Variants in MAGI1 observed in about 807,000 individuals in gnomAD.
MAGI1 encodes the protein membrane-associated guanylate kinase, WW and PDZ domain-containing protein 1.
A neutral mutation model predicts 139.9 loss-of-function variants in MAGI1; 58 were observed. The observed-to-expected ratio is 0.41, with a 90% CI of 0.34 to 0.52. MAGI1 has a LOEUF of 0.52. MAGI1 is among the 20% of genes least tolerant of loss of function. The probability of loss-of-function intolerance (pLI) is 0.12; values close to 1 mark genes in which losing one functional copy is unlikely to be tolerated. For synonymous variants in MAGI1, 812 were observed against 737.9 expected, an observed-to-expected ratio of 1.10 and a Z score of -1.63; for missense variants, 1,874 against 1,901.6, an observed-to-expected ratio of 0.99 and a Z score of 0.27.
intron 1 of MAGI1, among the ~76,000 whole-genome samples, chr3:65,709,976 G>C (rs2031105711): frequency 6.6e-6 from 1 of 152,128 alleles, no homozygotes; most frequent in Non-Finnish European, 1.5e-5. Context: ...TACAATCAAA[G>C]CTTCTCCAAA....
At chr3:65,802,612 T>C (rs567503522) in intron 1 of MAGI1, among the ~76,000 whole-genome samples, 25 of 152,308 alleles carry the variant, frequency 1.6e-4, no homozygotes, top group African/African-American at 6.0e-4. Context: ...AGTTCAATTA[T>C]CTGGTAGCAA....
chr3:65,645,076 G>T (rs2085187524), intron 1 of MAGI1, among the ~76,000 whole-genome samples: 1 of 151,430 alleles, frequency 6.6e-6, no homozygotes. Context: ...GGATCTTTGG[G>T]ACTCTAACAA....
intron 12 of MAGI1, among the ~76,000 whole-genome samples, chr3:65,421,129 T>C (rs1946606907): frequency 6.6e-6 from 1 of 152,234 alleles, no homozygotes; most frequent in South Asian, 2.1e-4. Context: ...ATCTCATCTC[T>C]TGCTGTAAGT....
chr3:65,679,649 C>G (rs971846817), intron 1 of MAGI1, among the ~76,000 whole-genome samples: 1 of 152,130 alleles, frequency 6.6e-6, no homozygotes, highest in African/African-American at 2.4e-5. Flanking sequence ...AACACAGAAC[C>G]AGATACAGGG....
At chr3:65,883,402 C>T (rs1439593737) in intron 1 of MAGI1, among the ~76,000 whole-genome samples, 1 of 152,066 alleles carries the variant, frequency 6.6e-6, no homozygotes, top group Admixed American at 6.6e-5. Context: ...CAAGAATAAA[C>T]AAGAATATAT....
chr3:65,734,005 C>T (rs921673102), intron 1 of MAGI1, among the ~76,000 whole-genome samples: 3 of 152,182 alleles, frequency 2.0e-5, no homozygotes, highest in Non-Finnish European at 4.4e-5. Context: ...AAAATCCAAT[C>T]TACTCCTCCT....
chr3:65,969,501 C>T (rs181731053), intron 1 of MAGI1, among the ~76,000 whole-genome samples: 1 of 152,176 alleles, frequency 6.6e-6, no homozygotes, highest in East Asian at 1.9e-4. Flanking sequence ...CTGGGAGAAA[C>T]TGAACTGCTT....
At chr3:65,890,565 A>C (rs2060707322) in intron 1 of MAGI1, among the ~76,000 whole-genome samples, 1 of 152,226 alleles carries the variant, frequency 6.6e-6, no homozygotes, top group African/African-American at 2.4e-5. Context: ...AAATTTCCCA[A>C]AGGACTTGCA....
chr3:65,791,522 C>T (rs1194279305), intron 1 of MAGI1, among the ~76,000 whole-genome samples: 2 of 151,974 alleles, frequency 1.3e-5, no homozygotes, highest in Non-Finnish European at 2.9e-5. Flanking sequence ...GGAGGGTATA[C>T]AGTTACATAT....
At chr3:65,978,613 C>CA (rs1435317753) in intron 1 of MAGI1, among the ~76,000 whole-genome samples, 20 of 134,284 alleles carry the variant, frequency 1.5e-4, no homozygotes, top group African/African-American at 3.6e-4. Flanking sequence ...TGACTCAGCT[C>CA]AAAATTTCTT....
intron 4 of MAGI1, among the ~76,000 whole-genome samples, chr3:65,473,437 G>T (rs1950674409): frequency 6.6e-6 from 1 of 152,094 alleles, no homozygotes; most frequent in African/African-American, 2.4e-5. Context: ...ACCTCTTATT[G>T]CAACTACAAC....
chr3:65,514,115 C>A (rs1295984030), intron 2 of MAGI1, among the ~76,000 whole-genome samples: 1 of 149,504 alleles, frequency 6.7e-6, no homozygotes, highest in Admixed American at 6.7e-5. Flanking sequence ...ATGTAGAAAG[C>A]TGAAACTGGA....
At position 65,819,295 on chromosome 3, in the gene MAGI1, A is replaced by C. The variant is rs78358480; in HGVS notation, c.314-197207T>G. 4.1e-3 allele frequency among the ~76,000 whole-genome samples: 618 copies of C among 151,864 alleles called. 7 individuals carry two copies. The highest frequency in any genetic ancestry group is 0.031 in the Admixed American group (479 of 15,274). Reference sequence around the variant, plus strand: ...AATGAAATTCCATCTCAAAAAACAAACAAACAAACAACAACAACAAAATAA... The same window carrying C: ...AATGAAATTCCATCTCAAAAAACAACCAAACAAACAACAACAACAAAATAA... On this transcript the variant is annotated intron_variant, in intron 1 of 22. Coordinates refer to ENST00000402939, the MANE Select transcript of MAGI1 (RefSeq NM_001033057.2).
intron 1 of MAGI1, among the ~76,000 whole-genome samples, chr3:65,984,277 G>A (rs773936422): frequency 6.6e-6 from 1 of 152,280 alleles, no homozygotes; most frequent in Non-Finnish European, 1.5e-5. Context: ...CTGCGTGACA[G>A]AGTGAGACAC....
chr3:65,463,700 G>T (rs926773779), intron 5 of MAGI1, among the ~76,000 whole-genome samples: 1 of 151,858 alleles, frequency 6.6e-6, no homozygotes, highest in Non-Finnish European at 1.5e-5. Context: ...CAGAAAGAAT[G>T]GTACCAGCTC....
chr3:65,750,011 C>T lies in MAGI1; in HGVS notation c.314-127923G>A, dbSNP rs191554962. 5.3e-5 allele frequency among the ~76,000 whole-genome samples: 8 copies of T among 152,178 alleles called. No homozygotes were observed. In the East Asian group the frequency reaches 7.7e-4, roughly 15 times the overall value. ...GTCAGGAAGGCTGCAGCACAACAAA[C>T]GAGGAAAACCCAAACTCCTGGTGGC... On this transcript the variant is annotated intron_variant, in intron 1 of 22. Transcript: ENST00000402939.
intron 1 of MAGI1, chr3:65,893,749 G>A (rs920204598): frequency 2.0e-5 from 3 of 152,152 alleles, no homozygotes; most frequent in Non-Finnish European, 1.5e-5. Flanking sequence ...AAAATATAAC[G>A]GCTTAAACTA....
chr3:65,832,737 T>C (rs2042595540), intron 1 of MAGI1, among the ~76,000 whole-genome samples: 1 of 152,142 alleles, frequency 6.6e-6, no homozygotes, highest in African/African-American at 2.4e-5. Context: ...TATTTAATGT[T>C]TACTGAAATG....
chr3:65,957,784 T>C (rs1340992625), intron 1 of MAGI1, among the ~76,000 whole-genome samples: 1 of 152,092 alleles, frequency 6.6e-6, no homozygotes, highest in Non-Finnish European at 1.5e-5. Flanking sequence ...TTGTTTTGTT[T>C]TGGGATGGAG....
Sources: allele counts gnomAD v4.1 joint callset (sites outside exome capture counted in the v4.1 genomes callset), GRCh38; gene constraint gnomAD v4.1.1; transcripts MANE v1.5; gene names NCBI Gene and HGNC (gene_info 2026-07-23, HGNC 2026-07-21).